Variants in SLC9A9 observed in about 807,000 individuals in gnomAD.
SLC9A9 encodes the protein sodium/hydrogen exchanger 9.
A neutral mutation model predicts 77.8 loss-of-function variants in SLC9A9; 62 were observed. That is an observed-to-expected ratio of 0.80 (90% CI 0.65 to 0.98). The LOEUF (loss-of-function observed/expected upper bound fraction) is 0.98. SLC9A9 is among the 50% of genes least tolerant of loss of function. The pLI is 0.00. For missense variants in SLC9A9, 775 were observed against 774.9 expected (o/e 1.00, Z 0.00); for synonymous variants, 320 against 283.5 (o/e 1.13, Z -1.29).
intron 12 of SLC9A9, among the ~76,000 whole-genome samples, chr3:143,406,270 A>G (rs907457469): frequency 1.3e-5 from 2 of 152,232 alleles, no homozygotes; most frequent in Non-Finnish European, 2.9e-5. Flanking sequence ...AAGCTTACTT[A>G]TTTAAAACGG....
rs538163428 is a variant in SLC9A9 at position 143,526,631 on chromosome 3, C to T, written c.1089+25731G>A. On this transcript the variant is annotated intron_variant, in intron 9 of 15. Coordinates refer to ENST00000316549, the MANE Select transcript of SLC9A9 (RefSeq NM_173653.4). The stretch of plus-strand genomic sequence containing the variant: ...AGAGCTCACCTCGAGCAACCAATTC[C>T]ATTTTAAGGAGACAGAGAACAATTT... 5.9e-5 allele frequency among the ~76,000 whole-genome samples: 9 copies of T among 152,276 alleles called. No homozygotes were observed. The South Asian group carries it at 1.9e-3, about 32-fold the overall frequency.
chr3:143,606,436 C>CTCTCTCTATATATATATATATA (rs1419410834), intron 6 of SLC9A9, among the ~76,000 whole-genome samples: 11 of 54,208 alleles, frequency 2.0e-4, no homozygotes, highest in South Asian at 9.6e-4. Context: ...CTCTCTCTCT[C>CTCTCTCTATATATATATATATA]TATATATATA....
intron 9 of SLC9A9, among the ~76,000 whole-genome samples, chr3:143,535,952 CTT>C (rs1259236230): frequency 2.0e-5 from 3 of 152,152 alleles, no homozygotes; most frequent in Non-Finnish European, 2.9e-5. Flanking sequence ...ATTACAGTCT[CTT>C]AAACCTCCAG....
chr3:143,765,062 CCT>C (rs2007266445), intron 4 of SLC9A9, among the ~76,000 whole-genome samples: 1 of 135,784 alleles, frequency 7.4e-6, no homozygotes, highest in African/African-American at 2.8e-5. Flanking sequence ...TCTTTCTTTC[CCT>C]CTTTTTCTCT....
chr3:143,679,327 G>C (rs1378481500), intron 5 of SLC9A9, among the ~76,000 whole-genome samples: 1 of 151,542 alleles, frequency 6.6e-6, no homozygotes, highest in African/African-American at 2.4e-5. Flanking sequence ...AACAGGTAGA[G>C]ACTGAGCAGC....
chr3:143,806,942 T>G (rs1190009941), intron 2 of SLC9A9, among the ~76,000 whole-genome samples: 1 of 152,152 alleles, frequency 6.6e-6, no homozygotes, highest in Non-Finnish European at 1.5e-5. Flanking sequence ...CCACTAAAAT[T>G]TTTAAAAGCC....
chr3:143,596,973 G>A (rs1203417085), intron 6 of SLC9A9, among the ~76,000 whole-genome samples: 1 of 152,096 alleles, frequency 6.6e-6, no homozygotes, highest in Non-Finnish European at 1.5e-5. Context: ...CCTTGTATGA[G>A]GTCTTAAACA....
rs182930171 is a variant in SLC9A9 at position 143,308,326 on chromosome 3, T to C, written c.1605-39346A>G. Among the ~76,000 whole-genome samples, 91 of 152,180 alleles carry C rather than the reference T, an allele frequency of 6.0e-4. 1 individual carries two copies. Among genetic ancestry groups the C allele is most frequent in the African/African-American group, 2.2e-3 (91 of 41,542 alleles). ...GCGTGGTGGCTCACGCCTGTAATCC[T>C]AGCACTTTGGGAGGCCGAGGCGGGC... On this transcript the variant is annotated intron_variant, in intron 14 of 15. Coordinates refer to ENST00000316549, the MANE Select transcript of SLC9A9 (RefSeq NM_173653.4).
chr3:143,622,194 G>A (rs1388451104), intron 6 of SLC9A9, among the ~76,000 whole-genome samples: 2 of 152,192 alleles, frequency 1.3e-5, no homozygotes, highest in African/African-American at 4.8e-5. Context: ...ACACTCTGCA[G>A]GATATTATCC....
chr3:143,575,913 G>A (rs1456347853), intron 7 of SLC9A9, among the ~76,000 whole-genome samples: 1 of 152,112 alleles, frequency 6.6e-6, no homozygotes, highest in African/African-American at 2.4e-5. Context: ...TGTCTGTAGA[G>A]CCTGTTGAAG....
At chr3:143,394,453 C>CA (rs2033648996) in intron 12 of SLC9A9, among the ~76,000 whole-genome samples, 1 of 152,118 alleles carries the variant, frequency 6.6e-6, no homozygotes, top group South Asian at 2.1e-4. Flanking sequence ...GGATGTATCT[C>CA]AAAATAATAA....
chr3:143,535,992 A>G (rs2036583761), intron 9 of SLC9A9, among the ~76,000 whole-genome samples: 1 of 152,216 alleles, frequency 6.6e-6, no homozygotes, highest in African/African-American at 2.4e-5. Context: ...GATACTACTC[A>G]TTGGGGCGCC....
At chr3:143,307,487 G>A (rs1314121658) in intron 14 of SLC9A9, among the ~76,000 whole-genome samples, 2 of 152,166 alleles carry the variant, frequency 1.3e-5, no homozygotes, top group Non-Finnish European at 2.9e-5. Flanking sequence ...ATTTAGGCTC[G>A]CAAAGTGTAG....
intron 1 of SLC9A9, among the ~76,000 whole-genome samples, chr3:143,842,673 T>C (rs1409119839): frequency 6.6e-6 from 1 of 152,240 alleles, no homozygotes; most frequent in African/African-American, 2.4e-5. Context: ...GTGGAATACA[T>C]AGCCAGTCCT....
intron 4 of SLC9A9, among the ~76,000 whole-genome samples, chr3:143,765,570 T>C (rs1466382020): frequency 6.6e-6 from 1 of 152,188 alleles, no homozygotes; most frequent in African/African-American, 2.4e-5. Context: ...AAAGAAAGCA[T>C]CAATTGTCAG....
chr3:143,475,040 C>A (rs1259857830), intron 11 of SLC9A9, among the ~76,000 whole-genome samples: 1 of 151,668 alleles, frequency 6.6e-6, no homozygotes, highest in Admixed American at 6.6e-5. Flanking sequence ...CTCACTGTAA[C>A]CTCCGCCTCC....
chr3:143,573,429 C>T (rs1415544113), intron 8 of SLC9A9, among the ~76,000 whole-genome samples: 1 of 152,042 alleles, frequency 6.6e-6, no homozygotes, highest in Non-Finnish European at 1.5e-5. Flanking sequence ...TTGCAGTAAC[C>T]CAAGCACAAA....
At chr3:143,655,767 G>T in intron 5 of SLC9A9, 1 of 498,634 alleles carries the variant, frequency 2.0e-6, no homozygotes, top group Non-Finnish European at 2.6e-6. Flanking sequence ...ACTGAGAAAT[G>T]CCACTGAATC....
chr3:143,847,862 G>A, intron 1 of SLC9A9: 1 of 467,306 alleles, frequency 2.1e-6, no homozygotes. Context: ...AAAACAAACA[G>A]CTCGCCCTCG....
Sources: gnomAD v4.1 joint callset for allele counts (sites outside exome capture counted in the v4.1 genomes callset) on GRCh38, gnomAD v4.1.1 for gene constraint, MANE v1.5 for transcripts, NCBI Gene and HGNC (gene_info 2026-07-23, HGNC 2026-07-21) for gene names.